PEX6: variants seen among roughly 807,000 people sequenced by gnomAD.
The protein encoded by PEX6 is peroxisomal biogenesis factor 6.
PEX6 carries 55 observed loss-of-function variants against 85.6 expected under a neutral mutation model. The ratio of observed to expected loss-of-function variants is 0.64; its 90% CI spans 0.52 to 0.80. PEX6 has a LOEUF of 0.80. PEX6 is among the 30% of genes least tolerant of loss of function. The probability of loss-of-function intolerance (pLI) is 0.00; values close to 1 mark genes in which losing one functional copy is unlikely to be tolerated. For synonymous variants in PEX6, 519 were observed against 549.1 expected (o/e 0.95, Z 0.77); for missense variants, 1,099 against 1,260.3 (o/e 0.87, Z 1.94).
In PEX6 at chr6:42,964,340, A is replaced by T. The variant is rs1427401725; in HGVS notation, c.2938T>A (p.Cys980Ser). 1 of 1,613,728 alleles carries T rather than the reference A, an allele frequency of 6.2e-7. No homozygotes were observed. Among genetic ancestry groups the T allele is most frequent in the Non-Finnish European group, 8.5e-7 (1 of 1,179,976 alleles). Reference sequence around the variant, plus strand: ...TCCCAGACCCTGGGGGGCTCCTAGCAGGCAGCAAACTTGCGCTGGATGCGC... The same window carrying T: ...TCCCAGACCCTGGGGGGCTCCTAGCTGGCAGCAAACTTGCGCTGGATGCGC... ...YKRIQRKFAA[C>S] The change falls in exon 17 of 17, where the codon TGC becomes AGC. Residue 980 changes from cysteine (C) to serine (S), a missense_variant. By Grantham distance (112) the Cys-to-Ser change is moderately radical. Around this residue, in one of 3 missense-constraint regions of PEX6, gnomAD observed 514 missense variants for 627.0 expected, o/e 0.82. Coordinates refer to ENST00000304611, the MANE Select transcript of PEX6 (RefSeq NM_000287.4). The surrounding 1 kb of genome is among the most constrained non-coding windows in gnomAD (Gnocchi z 4.6).
intron 5 of PEX6, 28 bp from the exon 6 acceptor site, chr6:42,969,013 C>T: frequency 6.6e-7 from 1 of 1,505,348 alleles, no homozygotes; most frequent in Non-Finnish European, 9.2e-7. Flanking sequence ...ACATTCGTCT[C>T]CTTCATTTTG....
chr6:42,968,773 T>C (rs1338815287), intron 6 of PEX6, 101 bp downstream of exon 6: 3 of 927,036 alleles, frequency 3.2e-6, no homozygotes, highest in Non-Finnish European at 5.4e-6. Flanking sequence ...TGCTAGGGCC[T>C]GTGAGTAGAC....
rs1425435587 is a variant in PEX6 at position 42,979,034 on chromosome 6, G to A, written c.117C>T (p.Ala39=). 4 of 1,532,416 alleles carry A rather than the reference G, an allele frequency of 2.6e-6. No individual in the cohort carries two copies. The highest frequency in any genetic ancestry group is 1.4e-5 in the African/African-American group (1 of 72,906). The allele number at this position is 1,532,416 out of a possible 1,614,324, so 94.9% of individuals were successfully genotyped here. A position where few individuals can be genotyped will look rare whatever the true frequency, so the allele number is the denominator to read the frequency against. ...CCGGGCTCTCCCCTGCAGGCCTCAG[G>A]GCCAGCACCAGGCCCAGCTCCGCCG... ...WPAAELGLVL[A]LRPAGESPAG... The change falls in exon 1 of 17, where the codon GCC becomes GCT. Residue 39 remains alanine, a synonymous_variant. Transcript: ENST00000304611.
rs560117491 is a variant in PEX6, at chr6:42,971,178, G to C, written c.1131-1191C>G. ...GCAAGGTGGAGGGGAAGCATACCAG[G>C]TTAGTATTATGAAACTCTTCTAAGT... On this transcript the variant is annotated intron_variant, in intron 3 of 16. Coordinates refer to ENST00000304611, the MANE Select transcript of PEX6 (RefSeq NM_000287.4). This position sits in a 1 kb window ranked among gnomAD's most constrained non-coding sequence, Gnocchi z 4.4. Among the ~76,000 whole-genome samples the C allele has an allele frequency of 6.6e-6, 1 of 152,130 alleles. No homozygotes were observed. Among genetic ancestry groups the C allele is most frequent in the African/African-American group, 2.4e-5 (1 of 41,404 alleles).
At position 42,966,828 on chromosome 6, in the gene PEX6, G is replaced by T; in HGVS notation, c.1915C>A (p.Leu639Met). The T allele has an allele frequency of 6.2e-7, 1 of 1,613,542 alleles. No homozygotes were observed. The highest frequency in any genetic ancestry group is 8.5e-7 in the Non-Finnish European group (1 of 1,180,024). Reference protein sequence around the residue: ...GFVVGDLYALLTHSSRAACTR... With the variant: ...GFVVGDLYALMTHSSRAACTR... Reference sequence around the variant, plus strand: ...CAGGCTGCCCGGCTGCTGTGGGTCAGAAGGGCATAGAGATCCCCTACCACA... The same window carrying T: ...CAGGCTGCCCGGCTGCTGTGGGTCATAAGGGCATAGAGATCCCCTACCACA... Residue 639 changes from leucine (L) to methionine (M), a missense_variant, in exon 9 of 17, where the codon CTG becomes ATG. Transcript: ENST00000304611.
Position 42,964,327 on chromosome 6 carries a change from G to A in PEX6, c.*8C>T. The A allele has an allele frequency of 6.2e-7, 1 of 1,613,460 alleles. No individual in the cohort carries two copies. The highest frequency in any genetic ancestry group is 8.5e-7 in the Non-Finnish European group (1 of 1,179,920). Reference sequence around the variant, plus strand: ...ATGCTGAGCGGGGTCCCAGACCCTGGGGGGCTCCTAGCAGGCAGCAAACTT... The same window carrying A: ...ATGCTGAGCGGGGTCCCAGACCCTGAGGGGCTCCTAGCAGGCAGCAAACTT... On this transcript the variant is annotated 3_prime_UTR_variant, in exon 17 of 17. Transcript: ENST00000304611. This position sits in a 1 kb window ranked among gnomAD's most constrained non-coding sequence, Gnocchi z 4.6.
rs773105735 is a variant in PEX6, at chr6:42,968,947, C to T, written c.1406G>A (p.Arg469Gln). Residue 469 changes from arginine to glutamine, a missense_variant, in exon 6 of 17, where the codon CGG (arginine) becomes CAG (glutamine). By Grantham distance (43) the Arg-to-Gln change is conservative. Transcript: ENST00000304611. ...GGTCTTCCCACAGCCTGGGGGGCCC[C>T]GTAGAAGGACACTGCTAGTTCCTGT... ...LLTGTSSVLL[R>Q]GPPGCGKTTV... 5.6e-6 allele frequency: 9 copies of T among 1,614,020 alleles called. No individual in the cohort carries two copies. The highest frequency in any genetic ancestry group is 4.5e-5 in the East Asian group (2 of 44,872).
chr6:42,973,280 G>A (rs959458615), intron 3 of PEX6, among the ~76,000 whole-genome samples: 5 of 152,016 alleles, frequency 3.3e-5, no homozygotes, highest in African/African-American at 7.2e-5. Context: ...CCAAAGTGCT[G>A]GGATTACAGT....
At position 42,964,808 on chromosome 6, in the gene PEX6, C is replaced by A. The variant is rs756296074; in HGVS notation, c.2788G>T (p.Val930Phe). ...DAMTAALKRR[V>F]HDLEEGLEPG... ...GGCTCACCTTCCTCCAGGTCATGAACCCTGCGTTTGAGGGCAGCTGTCATA... is the reference window on the plus strand; with the variant it reads ...GGCTCACCTTCCTCCAGGTCATGAAACCTGCGTTTGAGGGCAGCTGTCATA... Residue 930 changes from valine to phenylalanine, a missense_variant, in exon 16 of 17, where the codon GTT (valine) becomes TTT (phenylalanine). Physicochemically the swap from Val to Phe is conservative, Grantham distance 50. This residue lies in a region of PEX6 where 514 missense variants were observed against 627.0 expected (regional missense o/e 0.82). Coordinates refer to ENST00000304611, the MANE Select transcript of PEX6 (RefSeq NM_000287.4). This position sits in a 1 kb window ranked among gnomAD's most constrained non-coding sequence, Gnocchi z 4.6. 6.4e-5 allele frequency: 103 copies of A among 1,613,980 alleles called. No homozygotes were observed. Among genetic ancestry groups the A allele is most frequent in the Non-Finnish European group, 8.0e-5 (94 of 1,180,012 alleles).
Position 42,966,405 on chromosome 6 carries a change from C to T in PEX6, c.2137G>A (p.Val713Met). Residue 713 changes from valine to methionine, a missense_variant, in exon 11 of 17, where the codon GTG (valine) becomes ATG (methionine). By Grantham distance (21) the Val-to-Met change is conservative. Around this residue, in one of 3 missense-constraint regions of PEX6, gnomAD observed 514 missense variants for 627.0 expected, o/e 0.82. Transcript: ENST00000304611. ...ATGGTCTCCAGGATCTCCTTCTTCA[C>T]CTCCTGCAGCCCACCCACATCATGC... is the stretch of plus-strand genomic sequence containing the variant. ...SWHDVGGLQE[V>M]KKEILETIQL... The T allele has an allele frequency of 6.2e-7, 1 of 1,614,166 alleles. No individual in the cohort carries two copies. The highest frequency in any genetic ancestry group is 8.5e-7 in the Non-Finnish European group (1 of 1,180,024).
rs778417057 is a variant in PEX6, at chr6:42,965,232, G to A, written c.2588+20C>T. 1 of 1,608,082 alleles carries A rather than the reference G, an allele frequency of 6.2e-7. No individual in the cohort carries two copies. The highest frequency in any genetic ancestry group is 1.7e-5 in the Admixed American group (1 of 60,020). On this transcript the variant is annotated intron_variant, in intron 14 of 16. Transcript: ENST00000304611. The surrounding 1 kb of genome is among the most constrained non-coding windows in gnomAD (Gnocchi z 5.0). ...GGAGGCACAAAATGAGGGTGGAGAT[G>A]AGCAGTACAAGGGGCCCACCTGCCA...
chr6:42,978,882 GCCC>G lies in PEX6; in HGVS notation c.266_268del (p.Gly89del). On this transcript the variant is annotated inframe_deletion, in exon 1 of 17. Coordinates refer to ENST00000304611, the MANE Select transcript of PEX6 (RefSeq NM_000287.4). ...CCGCACCGCCCGCGCCCGCACCCAG[GCCC>G]CGGAGCCCAGTGCCAGGAGCCGCAG... 4 of 1,487,544 alleles carry G rather than the reference GCCC, an allele frequency of 2.7e-6. No individual in the cohort carries two copies. The highest frequency in any genetic ancestry group is 3.5e-6 in the Non-Finnish European group (4 of 1,127,856). The allele number at this position is 1,487,544 out of a possible 1,614,324, so 92.1% of individuals were successfully genotyped here.
intron 3 of PEX6, among the ~76,000 whole-genome samples, chr6:42,972,846 G>A (rs943754741): frequency 7.9e-5 from 12 of 151,560 alleles, no homozygotes; most frequent in African/African-American, 1.5e-4. Context: ...TGCACACTCC[G>A]TAGTTAAGGC....
intron 1 of PEX6, among the ~76,000 whole-genome samples, 186 bp downstream of exon 1, chr6:42,978,083 G>GATCC (rs1268024347): frequency 3.3e-5 from 5 of 152,066 alleles, no homozygotes. Context: ...GACCCCAAGT[G>GATCC]ATCCGCTCGC....
chr6:42,964,251 G>A lies in PEX6; in HGVS notation c.*84C>T, dbSNP rs1769627058. Reference sequence around the variant, plus strand: ...AGGTGGGTTGGCAGCAGCCTGAGGAGGAGCCCTTCCTTCCCAGATCTCTCT... The same window carrying A: ...AGGTGGGTTGGCAGCAGCCTGAGGAAGAGCCCTTCCTTCCCAGATCTCTCT... On this transcript the variant is annotated 3_prime_UTR_variant, in exon 17 of 17. Coordinates refer to ENST00000304611, the MANE Select transcript of PEX6 (RefSeq NM_000287.4). The surrounding 1 kb of genome is among the most constrained non-coding windows in gnomAD (Gnocchi z 4.6). 2.6e-6 allele frequency: 4 copies of A among 1,548,024 alleles called. No individual in the cohort carries two copies. Among genetic ancestry groups the A allele is most frequent in the Non-Finnish European group, 3.6e-6 (4 of 1,124,348 alleles).
chr6:42,977,768 C>CAAAAAAA (rs200706906), intron 1 of PEX6, among the ~76,000 whole-genome samples: 11 of 51,712 alleles, frequency 2.1e-4, no homozygotes, highest in Non-Finnish European at 3.4e-4. Context: ...GACCCCATCT[C>CAAAAAAA]AAAAAAAAAA....
chr6:42,967,063 G>A (rs573904732), intron 8 of PEX6, among the ~76,000 whole-genome samples: 166 of 145,286 alleles, frequency 1.1e-3, no homozygotes, highest in African/African-American at 4.0e-3. Context: ...ACTTCCACCC[G>A]GGTTCAAGCG....
chr6:42,967,379 G>A lies in PEX6; in HGVS notation c.1873C>T (p.Arg625Trp), dbSNP rs377640713. 6.9e-5 allele frequency: 111 copies of A among 1,612,716 alleles called. No homozygotes were observed. Among genetic ancestry groups the A allele is most frequent in the Non-Finnish European group, 8.8e-5 (104 of 1,179,718 alleles). Residue 625 changes from arginine (R) to tryptophan (W), a missense_variant, in exon 8 of 17, where the codon CGG becomes TGG. Around this residue, in one of 3 missense-constraint regions of PEX6, gnomAD observed 514 missense variants for 627.0 expected, o/e 0.82. Transcript: ENST00000304611. ...CCCTTGATACTCACTGCACACCGCC[G>A]TGCTAGCTGTGCCAAGTTCACCTCC... ...GQEVNLAQLA[R>W]RCAGFVVGDL...
chr6:42,969,822 C>T (rs757699908), intron 4 of PEX6, 21 bp from the exon 5 acceptor site: 1 of 1,614,032 alleles, frequency 6.2e-7, no homozygotes, highest in Non-Finnish European at 8.5e-7. Context: ...TAATAAAAAG[C>T]TTTCGTTTCT....
Sources: gnomAD v4.1 joint callset for allele counts (sites outside exome capture counted in the v4.1 genomes callset) on GRCh38, gnomAD v4.1.1 for gene constraint, gnomAD v4.1.1 regional missense constraint, Gnocchi (gnomAD v3.1) non-coding constraint, MANE v1.5 for transcripts, NCBI Gene and HGNC (gene_info 2026-07-23, HGNC 2026-07-21) for gene names.